Variants in ABL2 observed in about 807,000 individuals in gnomAD.
ABL2 encodes ABL proto-oncogene 2, non-receptor tyrosine kinase.
ABL2 carries 49 observed loss-of-function variants against 107.7 expected under a neutral mutation model. The ratio of observed to expected loss-of-function variants is 0.45; its 90% confidence interval spans 0.36 to 0.58. The LOEUF is 0.58. Among genes scored for constraint, ABL2 ranks in the 20% least tolerant of loss-of-function variants. The pLI is 0.00. For missense variants in ABL2, 1,245 were observed against 1,457.0 expected, an observed-to-expected ratio of 0.85 and a Z score of 2.37; for synonymous variants, 549 against 548.6, an observed-to-expected ratio of 1.00 and a Z score of -0.01.
intron 1 of ABL2, among the ~76,000 whole-genome samples, chr1:179,142,568 T>C (rs1286231553): frequency 6.6e-6 from 1 of 152,330 alleles, no homozygotes; most frequent in African/African-American, 2.4e-5. Context: ...TTTATAAACA[T>C]TATCTTGCCA....
chr1:179,172,706 G>C (rs1302772126), intron 1 of ABL2, among the ~76,000 whole-genome samples: 2 of 152,166 alleles, frequency 1.3e-5, no homozygotes, highest in Non-Finnish European at 2.9e-5. Context: ...AGGAGACACT[G>C]CTGATATTCC....
At chr1:179,219,096 G>A (rs1430575652) in intron 1 of ABL2, among the ~76,000 whole-genome samples, 2 of 152,194 alleles carry the variant, frequency 1.3e-5, no homozygotes, top group African/African-American at 4.8e-5. Context: ...AGAATGGAGT[G>A]CAGCGACGTG....
In ABL2 at chr1:179,105,081, C is replaced by T. The variant is rs973030377; in HGVS notation, c.*2637G>A. 10 of 230,260 alleles carry T rather than the reference C, an allele frequency of 4.3e-5. No individual in the cohort carries two copies. The highest frequency in any genetic ancestry group is 1.7e-5 in the Non-Finnish European group (2 of 116,202). The allele number at this position is 230,260 out of a possible 1,614,324, so 14.3% of individuals were successfully genotyped here. A position where few individuals can be genotyped will look rare whatever the true frequency, so the allele number is the denominator to read the frequency against. On this transcript the variant is annotated 3_prime_UTR_variant, in exon 12 of 12. Transcript: ENST00000502732. ...TCAAGCATCATGTGGACGGGGTATG[C>T]TCCAATAGTCAATGCCACTCTTGAC...
chr1:179,220,369 C>A (rs1413554797), intron 1 of ABL2, among the ~76,000 whole-genome samples: 4 of 152,210 alleles, frequency 2.6e-5, no homozygotes, highest in African/African-American at 9.7e-5. Flanking sequence ...TAAAAACATA[C>A]AATGGTGGGG....
At chr1:179,187,134 T>C (rs558817838) in intron 1 of ABL2, among the ~76,000 whole-genome samples, 5 of 152,300 alleles carry the variant, frequency 3.3e-5, no homozygotes, top group African/African-American at 9.6e-5. Context: ...GTGATTTCAT[T>C]TTTGACTCAA....
intron 1 of ABL2, among the ~76,000 whole-genome samples, chr1:179,203,133 T>C (rs1038849974): frequency 1.3e-5 from 2 of 152,246 alleles, no homozygotes; most frequent in African/African-American, 4.8e-5. Flanking sequence ...ATACTGCATT[T>C]GTAAAAAGAA....
At chr1:179,228,672 A>C (rs1663367875) in intron 1 of ABL2, among the ~76,000 whole-genome samples, 1 of 152,116 alleles carries the variant, frequency 6.6e-6, no homozygotes, top group Non-Finnish European at 1.5e-5. Flanking sequence ...AAAATAAACC[A>C]CAAAAGCATG....
intron 1 of ABL2, among the ~76,000 whole-genome samples, chr1:179,201,170 T>C (rs1661648270): frequency 6.6e-6 from 1 of 152,160 alleles, no homozygotes; most frequent in African/African-American, 2.4e-5. Context: ...GCTAAGCATA[T>C]CAGTCTCAAT....
At chr1:179,210,520 A>AAAAAAAAAG (rs1662212394) in intron 1 of ABL2, among the ~76,000 whole-genome samples, 1 of 146,462 alleles carries the variant, frequency 6.8e-6, no homozygotes, top group African/African-American at 2.6e-5. Flanking sequence ...AAAAAAAAAG[A>AAAAAAAAAG]AAAAAAAAAG....
intron 1 of ABL2, among the ~76,000 whole-genome samples, chr1:179,146,230 G>C (rs954284642): frequency 4.6e-5 from 7 of 152,192 alleles, no homozygotes; most frequent in African/African-American, 1.7e-4. Context: ...GCTTAGAATA[G>C]GATGGTGGCA....
chr1:179,185,601 T>G (rs984000439), intron 1 of ABL2, among the ~76,000 whole-genome samples: 7 of 152,208 alleles, frequency 4.6e-5, no homozygotes, highest in Non-Finnish European at 4.4e-5. Context: ...CATCTTATGA[T>G]TCCATGACCC....
chr1:179,184,198 A>C, intron 1 of ABL2: 1 of 476,960 alleles, frequency 2.1e-6, no homozygotes, highest in Non-Finnish European at 3.9e-6. Flanking sequence ...TATCTGACCA[A>C]AGTTGAAGTG....
chr1:179,208,907 C>T (rs1050570934), intron 1 of ABL2, among the ~76,000 whole-genome samples: 2 of 152,084 alleles, frequency 1.3e-5, no homozygotes, highest in African/African-American at 4.8e-5. Context: ...ATAAAGTTTA[C>T]AGAAATGTTG....
At chr1:179,204,723 G>A (rs962858681) in intron 1 of ABL2, among the ~76,000 whole-genome samples, 2 of 152,026 alleles carry the variant, frequency 1.3e-5, no homozygotes, top group Admixed American at 6.6e-5. Context: ...CTCCAGCCTG[G>A]GTGACAGAGC....
rs1373051858 is a variant in ABL2 at position 179,126,471 on chromosome 1, C to T, written c.593G>A (p.Arg198Gln). ...CTGCCCAGGGCTACTCTCACTTTCT[C>T]GCACCAGGAAGCTGCCATTGATTAG... ...SSLINGSFLV[R>Q]ESESSPGQLS... Residue 198 changes from arginine to glutamine, a missense_variant, in exon 4 of 12, where the codon CGA (arginine) becomes CAA (glutamine). Transcript: ENST00000502732. The surrounding 1 kb of genome is among the most constrained non-coding windows in gnomAD (Gnocchi z 4.4). 21 of 1,614,192 alleles carry T rather than the reference C, an allele frequency of 1.3e-5. No individual in the cohort carries two copies. The highest frequency in any genetic ancestry group is 1.8e-5 in the Non-Finnish European group (21 of 1,180,046).
intron 1 of ABL2, among the ~76,000 whole-genome samples, chr1:179,156,589 A>G (rs1658702343): frequency 6.6e-6 from 1 of 152,154 alleles, no homozygotes; most frequent in Non-Finnish European, 1.5e-5. Flanking sequence ...ATAAAACTTT[A>G]CTAGGCCTGG....
At position 179,103,504 on chromosome 1, in the gene ABL2, C is replaced by A. The variant is rs1653270003; in HGVS notation, c.*4214G>T. 1 of 210,728 alleles carries A rather than the reference C, an allele frequency of 4.7e-6. No homozygotes were observed. The highest frequency in any genetic ancestry group is 1.9e-4 in the South Asian group (1 of 5,354). The allele number at this position is 210,728 out of a possible 1,614,324, so 13.1% of individuals were successfully genotyped here. A position where few individuals can be genotyped will look rare whatever the true frequency, so the allele number is the denominator to read the frequency against. On this transcript the variant is annotated 3_prime_UTR_variant, in exon 12 of 12. Transcript: ENST00000502732. The stretch of plus-strand genomic sequence containing the variant: ...TAAAGAAAAGGGAATGTAGGACTAA[C>A]TAGGTTTTTTAAAAACTCAAGTTGG...
chr1:179,113,233 C>T (rs1195119736), intron 9 of ABL2, among the ~76,000 whole-genome samples: 2 of 152,130 alleles, frequency 1.3e-5, no homozygotes, highest in African/African-American at 4.8e-5. Flanking sequence ...CTTTCTAAGG[C>T]TGGTGCTTCG....
chr1:179,146,470 G>C (rs1290269071), intron 1 of ABL2, among the ~76,000 whole-genome samples: 1 of 152,036 alleles, frequency 6.6e-6, no homozygotes, highest in African/African-American at 2.4e-5. Flanking sequence ...AAGTGTTTCA[G>C]GTTTAAAATT....
Sources: gnomAD v4.1 joint callset for allele counts (sites outside exome capture counted in the v4.1 genomes callset) on GRCh38, gnomAD v4.1.1 for gene constraint, Gnocchi (gnomAD v3.1) non-coding constraint, MANE v1.5 for transcripts, NCBI Gene and HGNC (gene_info 2026-07-23, HGNC 2026-07-21) for gene names.